The following CPNE3 variants were observed in gnomAD, a reference collection of about 807,000 sequenced individuals.
CPNE3 encodes copine 3.
A neutral mutation model predicts 63.9 loss-of-function variants in CPNE3; 68 were observed. The ratio of observed to expected loss-of-function variants is 1.06; its 90% CI spans 0.87 to 1.30. The LOEUF is 1.30. Ranked by LOEUF, CPNE3 falls within the 50% of genes most tolerant of loss-of-function variation. CPNE3 has a pLI of 0.00. For missense variants in CPNE3, 665 were observed against 578.1 expected, an observed-to-expected ratio of 1.15 and a Z score of -1.54; for synonymous variants, 219 against 197.5, an observed-to-expected ratio of 1.11 and a Z score of -0.91.
chr8:86,547,865 C>T, intron 11 of CPNE3, 95 bp downstream of exon 11: 1 of 720,612 alleles, frequency 1.4e-6, no homozygotes, highest in Middle Eastern at 3.7e-4. Flanking sequence ...ATGAAATTTT[C>T]ACAATCTGTT....
At chr8:86,551,390 A>AG (rs1195116851) in intron 14 of CPNE3, 156 bp downstream of exon 14, 3 of 623,744 alleles carry the variant, frequency 4.8e-6, no homozygotes, top group South Asian at 2.1e-5. Context: ...CTGTTGTATA[A>AG]GGTAGAAGAA....
intron 15 of CPNE3, among the ~76,000 whole-genome samples, chr8:86,555,542 A>G (rs554288624): frequency 3.8e-4 from 58 of 152,316 alleles, no homozygotes; most frequent in African/African-American, 1.4e-3. Context: ...TCTTATTCCT[A>G]TTCTAGACTT....
At position 86,545,154 on chromosome 8, in the gene CPNE3, T is replaced by G. The variant is rs3779807; in HGVS notation, c.732+316T>G. ...TGCCTATTGTATCATCGTATTGAAG[T>G]CAAGGCAAACACAATGCAGGCAAGC... On this transcript the variant is annotated intron_variant, in intron 9 of 16. Coordinates refer to ENST00000517490, the MANE Select transcript of CPNE3 (RefSeq NM_003909.5). 1.6e-4 allele frequency: 26 copies of G among 167,066 alleles called. No individual in the cohort carries two copies. In the East Asian group the frequency reaches 4.2e-3, roughly 27 times the overall value. 10.3% of individuals were successfully genotyped at this position (167,066 alleles called of 1,614,324 possible).
chr8:86,528,973 G>T lies in CPNE3; in HGVS notation c.161G>T (p.Cys54Phe). ...GAGCGCACAGAAAGGATTAAGAATT[G>T]CTTGAATCCCCAATTTTCCAAGACA... ...EVERTERIKN[C>F]LNPQFSKTFI... Residue 54 changes from cysteine (C) to phenylalanine (F), a missense_variant, in exon 4 of 17, where the codon TGC becomes TTC. Physicochemically the swap from Cys to Phe is radical, Grantham distance 205. Transcript: ENST00000517490. 1.2e-6 allele frequency: 2 copies of T among 1,613,478 alleles called. No individual in the cohort carries two copies. Among genetic ancestry groups the T allele is most frequent in the Non-Finnish European group, 1.7e-6 (2 of 1,179,906 alleles).
intron 12 of CPNE3, among the ~76,000 whole-genome samples, chr8:86,550,600 A>G (rs1471689762): frequency 1.3e-5 from 2 of 152,152 alleles, no homozygotes; most frequent in African/African-American, 4.8e-5. Flanking sequence ...TCCCTAATGT[A>G]TGAATGTTTG....
At chr8:86,515,954 C>CAT (rs960687802) in intron 2 of CPNE3, among the ~76,000 whole-genome samples, 1 of 152,158 alleles carries the variant, frequency 6.6e-6, no homozygotes, top group Non-Finnish European at 1.5e-5. Flanking sequence ...AAACAGATGA[C>CAT]ATATATAATG....
Position 86,527,217 on chromosome 8 carries a change from G to C in CPNE3, c.-10-1319G>C, listed in dbSNP as rs565893979. Among the ~76,000 whole-genome samples, 14 of 152,244 alleles carry C rather than the reference G, an allele frequency of 9.2e-5. No homozygotes were observed. In the East Asian group the frequency reaches 2.7e-3, roughly 29 times the overall value. ...TTTGCCAGCAGCTCTAGGGTAGTAG[G>C]TACCTTCCCTCCTGCAGAACCTGCC... On this transcript the variant is annotated intron_variant, in intron 2 of 16. Coordinates refer to ENST00000517490, the MANE Select transcript of CPNE3 (RefSeq NM_003909.5).
In CPNE3 at chr8:86,543,633, G is replaced by C. The variant is rs147686915; in HGVS notation, c.634-1107G>C. Among the ~76,000 whole-genome samples the C allele has an allele frequency of 2.0e-5, 3 of 152,006 alleles. No individual in the cohort carries two copies. The South Asian group carries it at 6.2e-4, about 32-fold the overall frequency. On this transcript the variant is annotated intron_variant, in intron 8 of 16. Transcript: ENST00000517490. The stretch of plus-strand genomic sequence containing the variant: ...AGCACAGCGTTACTTTACCTGTGTT[G>C]GTTACCACACAAGGCATACCGTCTT...
In CPNE3 at chr8:86,546,690, G is replaced by T; in HGVS notation, c.819+9G>T. Reference sequence around the variant, plus strand: ...GTGTGAAACAGTGTGAGGTCCGTTGGCCTTGGCTACTTATTTTTATTTATT... The same window carrying T: ...GTGTGAAACAGTGTGAGGTCCGTTGTCCTTGGCTACTTATTTTTATTTATT... On this transcript the variant is annotated intron_variant, in intron 10 of 16. Transcript: ENST00000517490. 2 of 1,583,924 alleles carry T rather than the reference G, an allele frequency of 1.3e-6. No individual in the cohort carries two copies. Among genetic ancestry groups the T allele is most frequent in the Middle Eastern group, 1.7e-4 (1 of 5,920 alleles).
intron 12 of CPNE3, 62 bp from the exon 13 acceptor site, chr8:86,550,984 C>T (rs1821160515): frequency 6.8e-7 from 1 of 1,460,816 alleles, no homozygotes; most frequent in Non-Finnish European, 9.1e-7. Context: ...TTATTGTGGG[C>T]AAAGATAAAG....
intron 11 of CPNE3, 101 bp downstream of exon 11, chr8:86,547,871 CTG>C: frequency 1.4e-6 from 1 of 705,492 alleles, no homozygotes; most frequent in East Asian, 2.7e-5. Context: ...TTTTCACAAT[CTG>C]TTTAGCATAG....
chr8:86,518,402 G>T (rs1289726871), intron 2 of CPNE3, among the ~76,000 whole-genome samples: 1 of 152,182 alleles, frequency 6.6e-6, no homozygotes, highest in Admixed American at 6.5e-5. Flanking sequence ...GATCCAGCCT[G>T]CCTGCTGCAC....
At chr8:86,519,110 C>T (rs2131418426) in intron 2 of CPNE3, among the ~76,000 whole-genome samples, 1 of 152,258 alleles carries the variant, frequency 6.6e-6, no homozygotes, top group Non-Finnish European at 1.5e-5. Context: ...CTAAATGAAC[C>T]TATGATGAAC....
At chr8:86,540,014 A>T (rs979618828) in intron 7 of CPNE3, among the ~76,000 whole-genome samples, 1 of 152,120 alleles carries the variant, frequency 6.6e-6, no homozygotes, top group African/African-American at 2.4e-5. Flanking sequence ...TATATTTTCC[A>T]AATAGTTTTC....
Position 86,547,826 on chromosome 8 carries a change from TTTTC to T in CPNE3, c.879+61_879+64del, listed in dbSNP as rs1206562280. The stretch of plus-strand genomic sequence containing the variant: ...GCTTTTTCCTCCATGTTGCAGTATA[TTTTC>T]TTTCACTGCAAAACTGACTTTGTAA... On this transcript the variant is annotated intron_variant, in intron 11 of 16. Coordinates refer to ENST00000517490, the MANE Select transcript of CPNE3 (RefSeq NM_003909.5). The T allele has an allele frequency of 7.1e-6, 6 of 845,780 alleles. No individual in the cohort carries two copies. In the East Asian group the frequency reaches 1.5e-4, roughly 21 times the overall value. 52.4% of individuals were successfully genotyped at this position (845,780 alleles called of 1,614,324 possible).
chr8:86,520,889 G>T (rs1820422152), intron 2 of CPNE3, among the ~76,000 whole-genome samples: 1 of 151,992 alleles, frequency 6.6e-6, no homozygotes, highest in Non-Finnish European at 1.5e-5. Context: ...CTGACCTCAG[G>T]TGATCTGCCC....
rs1247927751 is a variant in CPNE3 at position 86,551,169 on chromosome 8, T to C, written c.1069-14T>C. On this transcript the variant is annotated splice_polypyrimidine_tract_variant and intron_variant, in intron 13 of 16. Coordinates refer to ENST00000517490, the MANE Select transcript of CPNE3 (RefSeq NM_003909.5). ...CAGCCCAGCCCTCATCAGTCCTTTG[T>C]CCATCTTTGACAGGTATCACATGAA... 6.2e-7 allele frequency: 1 copy of C among 1,613,546 alleles called. No homozygotes were observed. The highest frequency in any genetic ancestry group is 8.5e-7 in the Non-Finnish European group (1 of 1,179,486).
At chr8:86,528,514 C>T (rs878888717) in intron 2 of CPNE3, 22 bp from the exon 3 acceptor site, 2 of 1,609,930 alleles carry the variant, frequency 1.2e-6, no homozygotes, top group African/African-American at 1.3e-5. Context: ...TACTTGCTTT[C>T]TCTTTTTATT....
At chr8:86,518,411 A>C (rs576224642) in intron 2 of CPNE3, among the ~76,000 whole-genome samples, 204 of 152,308 alleles carry the variant, frequency 1.3e-3, no homozygotes, top group African/African-American at 4.7e-3. Flanking sequence ...TGCCTGCTGC[A>C]CAGCTGGCCA....
Sources: allele counts gnomAD v4.1 joint callset (sites outside exome capture counted in the v4.1 genomes callset), GRCh38; gene constraint gnomAD v4.1.1; transcripts MANE v1.5; gene names NCBI Gene and HGNC (gene_info 2026-07-23, HGNC 2026-07-21).